The following SHPRH variants were observed in gnomAD, a reference collection of about 807,000 sequenced individuals.
SHPRH encodes SNF2 histone linker PHD RING helicase.
In SHPRH, 106 loss-of-function variants were observed where a neutral mutation model predicts 202.5. The observed-to-expected ratio is 0.52, with a 90% CI of 0.45 to 0.62. The LOEUF (loss-of-function observed/expected upper bound fraction) is 0.62. Ranked by LOEUF, SHPRH falls within the 20% of genes least tolerant of loss-of-function variation. The pLI, the probability that SHPRH is intolerant of heterozygous loss-of-function variation, is 0.00. For synonymous variants in SHPRH, 729 were observed against 686.0 expected, an observed-to-expected ratio of 1.06 and a Z score of -0.98; for missense variants, 1,710 against 2,020.0, an observed-to-expected ratio of 0.85 and a Z score of 2.94.
intron 25 of SHPRH, chr6:145,908,613 T>A (rs1783190468): frequency 6.6e-6 from 1 of 152,174 alleles, no homozygotes; most frequent in Admixed American, 6.5e-5. Flanking sequence ...GGTTGTTTTT[T>A]TCTTATAAAT....
At chr6:145,870,158 GT>G (rs1230814618) in intron 2 of SHPRH, among the ~76,000 whole-genome samples, 2 of 151,126 alleles carry the variant, frequency 1.3e-5, no homozygotes, top group African/African-American at 4.9e-5. Context: ...TTCATTGCTG[GT>G]ATATAGAAAA....
chr6:145,868,662 G>GT (rs1312692205), intron 2 of SHPRH, among the ~76,000 whole-genome samples: 1 of 152,142 alleles, frequency 6.6e-6, no homozygotes, highest in Admixed American at 6.5e-5. Context: ...GAAGAGTACT[G>GT]TTTTTTATAC....
chr6:145,913,388 G>A, intron 24 of SHPRH, 90 bp downstream of exon 24: 1 of 1,195,386 alleles, frequency 8.4e-7, no homozygotes, highest in Non-Finnish European at 1.2e-6. Context: ...GAAACTAGTG[G>A]TGAGAAAAAC....
At chr6:145,890,271 C>G (rs1264784739) in intron 28 of SHPRH, among the ~76,000 whole-genome samples, 1 of 152,184 alleles carries the variant, frequency 6.6e-6, no homozygotes. Context: ...GGCAAGTTAC[C>G]TAACCTCTCT....
chr6:145,875,784 G>A lies in SHPRH; in HGVS notation c.222-11293C>T, dbSNP rs3763239. On this transcript the variant is annotated intron_variant, in intron 2 of 2. Transcript: ENST00000417762. ...GCTCTTCAGTTGAGTTTCAATTACA[G>A]CCCGCAATTCCAGATGCTACAACAT... Among the ~76,000 whole-genome samples the A allele has an allele frequency of 9.2e-3, 1,405 of 152,264 alleles. 52 individuals carry two copies. The highest frequency in any genetic ancestry group is 0.065 in the Admixed American group (995 of 15,292).
intron 3 of SHPRH, 68 bp from the exon 4 acceptor site, chr6:145,950,550 C>T (rs1787870262): frequency 6.8e-7 from 1 of 1,464,746 alleles, no homozygotes; most frequent in South Asian, 1.2e-5. Context: ...AATTCTTATT[C>T]TAAGAGCATA....
At chr6:145,877,509 G>A (rs1214850352) in intron 2 of SHPRH, 2 of 152,094 alleles carry the variant, frequency 1.3e-5, no homozygotes, top group Non-Finnish European at 2.9e-5. Context: ...TATGAGACAA[G>A]GAAATAATAT....
At chr6:145,921,456 G>A in intron 20 of SHPRH, 64 bp from the exon 21 acceptor site, 1 of 1,450,840 alleles carries the variant, frequency 6.9e-7, no homozygotes. Context: ...AACCTTCAAT[G>A]TGAGTTCTAA....
At chr6:145,947,411 A>G in intron 6 of SHPRH, 82 bp downstream of exon 6, 1 of 1,461,768 alleles carries the variant, frequency 6.8e-7, no homozygotes, top group Non-Finnish European at 9.2e-7. Context: ...TGTTGACTTA[A>G]GTGCCAAGCA....
rs759176346 is a variant in SHPRH at position 145,927,292 on chromosome 6, T to C, written c.3113-15A>G. The stretch of plus-strand genomic sequence containing the variant: ...GGCATACTCACCTAAAGAATTAAAA[T>C]GTATTTAAAGCATACGAGAGTCACA... On this transcript the variant is annotated splice_polypyrimidine_tract_variant and intron_variant, in intron 14 of 29. Coordinates refer to ENST00000275233, the MANE Select transcript of SHPRH (RefSeq NM_001042683.3). The C allele has an allele frequency of 5.6e-6, 9 of 1,607,488 alleles. No homozygotes were observed. The African/African-American group carries it at 1.1e-4, about 19-fold the overall frequency.
chr6:145,887,533 G>GTTTTTT (rs1220167063), intron 29 of SHPRH, among the ~76,000 whole-genome samples: 8 of 131,144 alleles, frequency 6.1e-5, no homozygotes, highest in East Asian at 2.3e-4. Flanking sequence ...TAACAAGTTT[G>GTTTTTT]TTTTTTTTTT....
At chr6:145,888,463 A>G (rs1187257452) in intron 28 of SHPRH, among the ~76,000 whole-genome samples, 7 of 152,286 alleles carry the variant, frequency 4.6e-5, no homozygotes, top group African/African-American at 1.7e-4. Context: ...CGGGAAGGGA[A>G]TATGCCTGGA....
Position 145,910,729 on chromosome 6 carries a change from A to G in SHPRH, c.4327-93T>C, listed in dbSNP as rs1376972078. On this transcript the variant is annotated intron_variant, in intron 24 of 29. Transcript: ENST00000275233. The stretch of plus-strand genomic sequence containing the variant: ...AGAGATTCGCAATTTTTCCTCCTAA[A>G]GATTTCATAACATTAATATTCTTTG... 4.1e-6 allele frequency: 5 copies of G among 1,210,090 alleles called. No individual in the cohort carries two copies. In the African/African-American group the frequency reaches 4.6e-5, roughly 11 times the overall value. The allele number at this position is 1,210,090 out of a possible 1,614,324, so 75.0% of individuals were successfully genotyped here. A position where few individuals can be genotyped will look rare whatever the true frequency, so the allele number is the denominator to read the frequency against.
intron 24 of SHPRH, among the ~76,000 whole-genome samples, chr6:145,911,534 G>C (rs61134557): frequency 6.6e-6 from 1 of 152,236 alleles, no homozygotes; most frequent in Non-Finnish European, 1.5e-5. Context: ...AACGAGAGAC[G>C]TAAGAACAAT....
intron 2 of SHPRH, among the ~76,000 whole-genome samples, chr6:145,873,133 C>T (rs1481929759): frequency 1.3e-5 from 2 of 151,994 alleles, no homozygotes; most frequent in African/African-American, 2.4e-5. Context: ...CACACATTTA[C>T]CTATGTAACA....
intron 10 of SHPRH, among the ~76,000 whole-genome samples, chr6:145,941,313 C>T (rs946368284): frequency 6.6e-6 from 1 of 152,172 alleles, no homozygotes; most frequent in African/African-American, 2.4e-5. Flanking sequence ...CGATGAGCTC[C>T]CAGTTAGCAG....
rs1784879815 is a variant in SHPRH, at chr6:145,926,364, A to G, written c.3202-68T>C. Reference sequence around the variant, plus strand: ...AAGACTCTGAAGAGAACCTAATATTAATATGGCACACAGAACACTAACACC... The same window carrying G: ...AAGACTCTGAAGAGAACCTAATATTGATATGGCACACAGAACACTAACACC... On this transcript the variant is annotated intron_variant, in intron 15 of 29. Transcript: ENST00000275233. 4 of 1,293,772 alleles carry G rather than the reference A, an allele frequency of 3.1e-6. No homozygotes were observed. The East Asian group carries it at 7.0e-5, about 22-fold the overall frequency. 80.1% of individuals were successfully genotyped at this position (1,293,772 alleles called of 1,614,324 possible).
chr6:145,894,366 C>T (rs1455805901), intron 26 of SHPRH, 130 bp from the exon 27 acceptor site: 7 of 533,144 alleles, frequency 1.3e-5, no homozygotes, highest in Non-Finnish European at 3.1e-6. Context: ...CCAAAACCCT[C>T]AAATGTAGTA....
At chr6:145,879,910 C>CAAAAA (rs67055862), downstream of SHPRH, among the ~76,000 whole-genome samples, 4 of 61,110 alleles carry the variant, frequency 6.5e-5, no homozygotes, top group Non-Finnish European at 8.8e-5. Flanking sequence ...AACTCAATCT[C>CAAAAA]AAAAAAAAAA....
Sources: gnomAD v4.1 joint callset for allele counts (sites outside exome capture counted in the v4.1 genomes callset) on GRCh38, gnomAD v4.1.1 for gene constraint, MANE v1.5 for transcripts, NCBI Gene and HGNC (gene_info 2026-07-23, HGNC 2026-07-21) for gene names.